The following PPP6R2 variants were observed in gnomAD, a reference collection of about 807,000 sequenced individuals.
PPP6R2 encodes protein phosphatase 6 regulatory subunit 2, also known as serine/threonine-protein phosphatase 6 regulatory subunit 2.
A neutral mutation model predicts 100.2 loss-of-function variants in PPP6R2; 62 were observed. The observed-to-expected ratio is 0.62, with a 90% CI of 0.50 to 0.76. The LOEUF is 0.76. Ranked by LOEUF, PPP6R2 falls within the 30% of genes least tolerant of loss-of-function variation. The probability of loss-of-function intolerance (pLI) is 0.00; values close to 1 mark genes in which losing one functional copy is unlikely to be tolerated. For missense variants in PPP6R2, 1,142 were observed against 1,276.3 expected (o/e 0.89, Z 1.60); for synonymous variants, 525 against 514.7 (o/e 1.02, Z -0.27).
At position 50,437,868 on chromosome 22, in the gene PPP6R2, ATCAACT is replaced by A. The variant is rs1176889476; in HGVS notation, c.1813_1818del (p.Phe605_Asn606del). ...TGCCCCGTTTGACAGGATCGCAGAG[ATCAACT>A]TCAACATCGACGCTGACGAGGACAG... On this transcript the variant is annotated inframe_deletion, in exon 17 of 24. Coordinates refer to ENST00000612753, the MANE Select transcript of PPP6R2 (RefSeq NM_001242898.2). 2 of 1,554,236 alleles carry A rather than the reference ATCAACT, an allele frequency of 1.3e-6. No homozygotes were observed. The highest frequency in any genetic ancestry group is 1.4e-5 in the African/African-American group (1 of 73,272).
chr22:50,445,085 G>C lies in PPP6R2; in HGVS notation c.*838G>C, dbSNP rs962542705. 6.6e-6 allele frequency: 1 copy of C among 152,644 alleles called. No homozygotes were observed. The highest frequency in any genetic ancestry group is 2.4e-5 in the African/African-American group (1 of 41,434). The allele number at this position is 152,644 out of a possible 1,614,324, so 9.5% of individuals were successfully genotyped here. A position where few individuals can be genotyped will look rare whatever the true frequency, so the allele number is the denominator to read the frequency against. On this transcript the variant is annotated 3_prime_UTR_variant, in exon 24 of 24. Transcript: ENST00000612753. ...CTCCCAATAAAAGCCGTGACGTTCG[G>C]ACAAACCGCGTACTGTGAACCTTCC...
At chr22:50,355,163 T>C (rs1201272427) in intron 1 of PPP6R2, among the ~76,000 whole-genome samples, 1 of 151,860 alleles carries the variant, frequency 6.6e-6, no homozygotes, top group Admixed American at 6.6e-5. Flanking sequence ...ATTTCACGAT[T>C]TTTGGTTTAG....
At chr22:50,356,490 A>G (rs1020292684) in intron 1 of PPP6R2, among the ~76,000 whole-genome samples, 2 of 151,856 alleles carry the variant, frequency 1.3e-5, no homozygotes, top group African/African-American at 4.8e-5. Context: ...TATTTTTAGT[A>G]GAGACAAGAT....
At position 50,445,050 on chromosome 22, in the gene PPP6R2, A is replaced by C. The variant is rs368494349; in HGVS notation, c.*803A>C. 1 of 152,710 alleles carries C rather than the reference A, an allele frequency of 6.5e-6. No individual in the cohort carries two copies. The highest frequency in any genetic ancestry group is 1.9e-4 in the East Asian group (1 of 5,196). The allele number at this position is 152,710 out of a possible 1,614,324, so 9.5% of individuals were successfully genotyped here. A position where few individuals can be genotyped will look rare whatever the true frequency, so the allele number is the denominator to read the frequency against. ...TTCTGATCACCTGACAGGGCACCCC[A>C]AACCCCCAACTCCCAATAAAAGCCG... is the stretch of plus-strand genomic sequence containing the variant. On this transcript the variant is annotated 3_prime_UTR_variant, in exon 24 of 24. Coordinates refer to ENST00000612753, the MANE Select transcript of PPP6R2 (RefSeq NM_001242898.2).
intron 1 of PPP6R2, among the ~76,000 whole-genome samples, chr22:50,367,978 G>A (rs1053276154): frequency 6.6e-6 from 1 of 152,232 alleles, no homozygotes; most frequent in Non-Finnish European, 1.5e-5. Context: ...AAGGTCATGC[G>A]AGTCACGTGT....
Position 50,431,962 on chromosome 22 carries a change from G to T in PPP6R2, c.1336-303G>T, listed in dbSNP as rs1208426193. On this transcript the variant is annotated intron_variant, in intron 11 of 23. Coordinates refer to ENST00000612753, the MANE Select transcript of PPP6R2 (RefSeq NM_001242898.2). This position sits in a 1 kb window ranked among gnomAD's most constrained non-coding sequence, Gnocchi z 4.8. ...CCAAAGTGGAGGGCAATGGAGAGACGGGGAGAAGGCCCAGGGGAAGACAGG... is the reference window on the plus strand; with the variant it reads ...CCAAAGTGGAGGGCAATGGAGAGACTGGGAGAAGGCCCAGGGGAAGACAGG... 6.6e-6 allele frequency among the ~76,000 whole-genome samples: 1 copy of T among 152,158 alleles called. No homozygotes were observed. Among genetic ancestry groups the T allele is most frequent in the Non-Finnish European group, 1.5e-5 (1 of 68,016 alleles).
intron 7 of PPP6R2, among the ~76,000 whole-genome samples, 165 bp downstream of exon 7, chr22:50,419,144 G>T (rs1004699679): frequency 9.2e-5 from 14 of 152,348 alleles, no homozygotes; most frequent in African/African-American, 3.4e-4. Flanking sequence ...GTTTCCAGAG[G>T]GAGGGGTCTC....
Position 50,406,592 on chromosome 22 carries a change from CGTGGGTCTGCTT to C in PPP6R2, c.228-96_228-85del, listed in dbSNP as rs1033085738. On this transcript the variant is annotated intron_variant, in intron 3 of 23. Coordinates refer to ENST00000612753, the MANE Select transcript of PPP6R2 (RefSeq NM_001242898.2). The stretch of plus-strand genomic sequence containing the variant: ...GAGGTCTGTAGTGTTTGTTTGATCA[CGTGGGTCTGCTT>C]CCTAAGAAGCAGACTATGTAAGCAG... 5 of 1,126,106 alleles carry C rather than the reference CGTGGGTCTGCTT, an allele frequency of 4.4e-6. No individual in the cohort carries two copies. In the African/African-American group the frequency reaches 7.8e-5, roughly 17 times the overall value. The allele number at this position is 1,126,106 out of a possible 1,614,324, so 69.8% of individuals were successfully genotyped here.
intron 2 of PPP6R2, among the ~76,000 whole-genome samples, chr22:50,387,523 T>G (rs1011266045): frequency 3.9e-5 from 6 of 152,236 alleles, no homozygotes; most frequent in African/African-American, 1.4e-4. Context: ...GTCATTGTGC[T>G]TCATGTGCTC....
At position 50,384,542 on chromosome 22, in the gene PPP6R2, G is replaced by A. The variant is rs140040515; in HGVS notation, c.-16-9351G>A. ...TGCACTCCAGTCTGGGCGACAGAGCGAGACTCCGTCTCAAAAAAAGAAAAG... is the reference window on the plus strand; with the variant it reads ...TGCACTCCAGTCTGGGCGACAGAGCAAGACTCCGTCTCAAAAAAAGAAAAG... On this transcript the variant is annotated intron_variant, in intron 2 of 23. Coordinates refer to ENST00000612753, the MANE Select transcript of PPP6R2 (RefSeq NM_001242898.2). 6.0e-3 allele frequency among the ~76,000 whole-genome samples: 911 copies of A among 152,314 alleles called. 5 individuals are homozygous for A. Among genetic ancestry groups the A allele is most frequent in the South Asian group, 0.016 (77 of 4,830 alleles).
At chr22:50,378,269 C>T (rs2052060168) in intron 2 of PPP6R2, among the ~76,000 whole-genome samples, 1 of 152,104 alleles carries the variant, frequency 6.6e-6, no homozygotes, top group South Asian at 2.1e-4. Context: ...AACTTTATAT[C>T]AGGAAAAATT....
Position 50,414,560 on chromosome 22 carries a change from G to A in PPP6R2, c.423G>A (p.Thr141=), listed in dbSNP as rs369694212. ...GGTGTGTGTGATTTCAGGTGATTAC[G>A]TTTTTGAAGAAGAAGGACAAGTTCA... ...LIARKTEQVI[T]FLKKKDKFIS... The change falls in exon 5 of 24, where the codon ACG becomes ACA. Residue 141 remains threonine, a synonymous_variant. Coordinates refer to ENST00000612753, the MANE Select transcript of PPP6R2 (RefSeq NM_001242898.2). The A allele has an allele frequency of 2.7e-5, 44 of 1,613,956 alleles. No individual in the cohort carries two copies. In the Admixed American group the frequency reaches 3.8e-4, roughly 14 times the overall value.
chr22:50,434,833 G>A lies in PPP6R2; in HGVS notation c.1401-133G>A, dbSNP rs141372731. 41 of 674,656 alleles carry A rather than the reference G, an allele frequency of 6.1e-5. 3 individuals carry two copies. Among genetic ancestry groups the A allele is most frequent in the African/African-American group, 4.4e-4 (16 of 36,704 alleles). 41.8% of individuals were successfully genotyped at this position (674,656 alleles called of 1,614,324 possible). ...GTGAACCTGGAGGAGGGCCGGGGGC[G>A]CGGACACTGGGCAGGGGCCGGGCAC... On this transcript the variant is annotated intron_variant, in intron 12 of 23. Coordinates refer to ENST00000612753, the MANE Select transcript of PPP6R2 (RefSeq NM_001242898.2).
At chr22:50,370,961 C>G (rs1214280491) in intron 1 of PPP6R2, among the ~76,000 whole-genome samples, 1 of 152,176 alleles carries the variant, frequency 6.6e-6, no homozygotes, top group Non-Finnish European at 1.5e-5. Context: ...CTAAGAAACC[C>G]TTTGTAGAGG....
At chr22:50,341,378 A>T (rs1026433641), upstream of PPP6R2, among the ~76,000 whole-genome samples, 6 of 151,752 alleles carry the variant, frequency 4.0e-5, no homozygotes, top group African/African-American at 1.5e-4. Flanking sequence ...TAGTTTTTTA[A>T]TTTTTTGTAG....
chr22:50,437,704 A>G, intron 16 of PPP6R2, 101 bp downstream of exon 16: 1 of 1,397,356 alleles, frequency 7.2e-7, no homozygotes, highest in Admixed American at 1.8e-5. Flanking sequence ...GTGCCGTCTG[A>G]TGTCCCCGGG....
At chr22:50,438,369 C>T in intron 18 of PPP6R2, 71 bp downstream of exon 18, 2 of 1,556,114 alleles carry the variant, frequency 1.3e-6, no homozygotes, top group Non-Finnish European at 1.7e-6. Flanking sequence ...TGTCAGACGC[C>T]CTGTGGTTCG....
In PPP6R2 at chr22:50,353,388, A is replaced by G. The variant is rs914231686; in HGVS notation, c.-148+9838A>G. The stretch of plus-strand genomic sequence containing the variant: ...GCCCTGAGGAGAGGGGGAGAGACTC[A>G]GGGAAATGGCCGGTCAGAACTTACG... On this transcript the variant is annotated intron_variant, in intron 1 of 23. Transcript: ENST00000612753. Among the ~76,000 whole-genome samples, 4 of 152,208 alleles carry G rather than the reference A, an allele frequency of 2.6e-5. 1 individual carries two copies. The highest frequency in any genetic ancestry group is 5.9e-5 in the Non-Finnish European group (4 of 68,034).
At chr22:50,413,916 C>G (rs1167259412) in intron 4 of PPP6R2, among the ~76,000 whole-genome samples, 1 of 152,220 alleles carries the variant, frequency 6.6e-6, no homozygotes, top group Non-Finnish European at 1.5e-5. Flanking sequence ...CTTCACTTCT[C>G]CACTGTTACC....
Sources: allele counts gnomAD v4.1 joint callset (sites outside exome capture counted in the v4.1 genomes callset), GRCh38; gene constraint gnomAD v4.1.1; non-coding constraint Gnocchi (gnomAD v3.1); transcripts MANE v1.5; gene names NCBI Gene and HGNC (gene_info 2026-07-23, HGNC 2026-07-21).